The following MN1 variants were observed in gnomAD, a reference collection of about 807,000 sequenced individuals.
The protein encoded by MN1 is MN1 proto-oncogene, transcriptional regulator.
In MN1, 19 loss-of-function variants were observed where a neutral mutation model predicts 86.9. That is an observed-to-expected ratio of 0.22 (90% CI 0.15 to 0.32). The LOEUF (loss-of-function observed/expected upper bound fraction) is 0.32, where lower values mean the gene tolerates loss of function less well. Ranked by LOEUF, MN1 falls within the 10% of genes least tolerant of loss-of-function variation. MN1 has a pLI of 1.00. For synonymous variants in MN1, 928 were observed against 849.6 expected, an observed-to-expected ratio of 1.09 and a Z score of -1.60; for missense variants, 1,841 against 1,862.0, an observed-to-expected ratio of 0.99 and a Z score of 0.21.
rs1461001631 is a variant in MN1 at position 27,748,677 on chromosome 22, T to C, written c.*2238A>G. 4.7e-6 allele frequency: 1 copy of C among 214,260 alleles called. No homozygotes were observed. Among genetic ancestry groups the C allele is most frequent in the African/African-American group, 2.3e-5 (1 of 44,280 alleles). 13.3% of individuals were successfully genotyped at this position (214,260 alleles called of 1,614,324 possible). Reference sequence around the variant, plus strand: ...TTTAATGAAATAACATCCTTTTGCTTAAGGCTATTTTTAAAGCTGTTTCAT... The same window carrying C: ...TTTAATGAAATAACATCCTTTTGCTCAAGGCTATTTTTAAAGCTGTTTCAT... On this transcript the variant is annotated 3_prime_UTR_variant, in exon 2 of 2. Transcript: ENST00000302326.
intron 1 of MN1, among the ~76,000 whole-genome samples, chr22:27,763,863 T>C (rs2146297834): frequency 6.6e-6 from 1 of 152,348 alleles, no homozygotes; most frequent in African/African-American, 2.4e-5. Flanking sequence ...CAGGCCCATG[T>C]TGTGAGATCT....
At chr22:27,792,351 T>A (rs9637322) in intron 1 of MN1, among the ~76,000 whole-genome samples, 4,556 of 109,042 alleles carry the variant, frequency 0.042, 107 homozygotes, top group Middle Eastern at 0.069. Flanking sequence ...TATATATATA[T>A]GAATATATAA....
chr22:27,764,609 G>GTCA (rs1323637911), intron 1 of MN1, among the ~76,000 whole-genome samples: 1 of 152,188 alleles, frequency 6.6e-6, no homozygotes, highest in African/African-American at 2.4e-5. Context: ...CTCGTGCCAG[G>GTCA]TCATCCAACA....
chr22:27,760,044 A>T (rs1343043622), intron 1 of MN1, among the ~76,000 whole-genome samples: 3 of 152,070 alleles, frequency 2.0e-5, no homozygotes, highest in Non-Finnish European at 4.4e-5. Context: ...TCTCTATAAA[A>T]TTTTTTTAAA....
intron 1 of MN1, among the ~76,000 whole-genome samples, chr22:27,780,277 C>T (rs1006057195): frequency 6.6e-6 from 1 of 152,092 alleles, no homozygotes; most frequent in African/African-American, 2.4e-5. Context: ...CCCGAGCAGT[C>T]GGGCCCCTGC....
intron 1 of MN1, among the ~76,000 whole-genome samples, chr22:27,785,406 TCC>T (rs1468331941): frequency 6.6e-6 from 1 of 152,122 alleles, no homozygotes; most frequent in Non-Finnish European, 1.5e-5. Context: ...AAAGGAGTCC[TCC>T]CCCACATCTT....
chr22:27,771,554 AG>A (rs1262831972), intron 1 of MN1, among the ~76,000 whole-genome samples: 1 of 152,138 alleles, frequency 6.6e-6, no homozygotes, highest in Admixed American at 6.5e-5. Context: ...GTTGAAAAAA[AG>A]TCAAAAGAAG....
chr22:27,756,043 C>T (rs568470036), intron 1 of MN1, among the ~76,000 whole-genome samples: 86 of 152,312 alleles, frequency 5.6e-4, no homozygotes, highest in Non-Finnish European at 9.8e-4. Context: ...GCACGTGGGG[C>T]GCTCCTGCCA....
Position 27,797,240 on chromosome 22 carries a change from C to T in MN1, c.3304G>A (p.Ala1102Thr), listed in dbSNP as rs369164450. ...GEHGPKAPPP[A>T]LGLGIMSNST... ...TTAGACATGATGCCCAGGCCGAGGG[C>T]GGGCGGGGGCGCCTTCGGTCCGTGT... The change falls in exon 1 of 2, where the codon GCC (alanine) becomes ACC (threonine). Residue 1102 changes from alanine to threonine, a missense_variant. By Grantham distance (58) the Ala-to-Thr change is moderately conservative (BLOSUM62 0). Coordinates refer to ENST00000302326, the MANE Select transcript of MN1 (RefSeq NM_002430.3). The T allele has an allele frequency of 6.4e-6, 10 of 1,569,918 alleles. No individual in the cohort carries two copies. In the African/African-American group the frequency reaches 1.3e-4, roughly 21 times the overall value.
rs201186821 is a variant in MN1 at position 27,799,727 on chromosome 22, C to A, written c.817G>T (p.Ala273Ser). The A allele has an allele frequency of 2.4e-3, 3,778 of 1,575,798 alleles. 13 individuals carry two copies. Among genetic ancestry groups the A allele is most frequent in the Non-Finnish European group, 3.0e-3 (3,439 of 1,161,332 alleles). ...RQVPGGAFPG[A>S]SAMPRAAGMV... is the part of the protein sequence containing the mutation. ...CCCGCAGCTCTGGGCATGGCCGAGG[C>A]GCCCGGGAAAGCGCCCCCAGGAACC... Residue 273 changes from alanine (A) to serine (S), a missense_variant, in exon 1 of 2, where the codon GCC (alanine) becomes TCC (serine). Physicochemically the swap from Ala to Ser is moderately conservative, Grantham distance 99. Transcript: ENST00000302326.
chr22:27,782,461 T>C, intron 1 of MN1, among the ~76,000 whole-genome samples: 1 of 152,242 alleles, frequency 6.6e-6, no homozygotes, highest in East Asian at 1.9e-4. Flanking sequence ...CTTTCATTTC[T>C]TCATCCCTAA....
intron 1 of MN1, among the ~76,000 whole-genome samples, chr22:27,765,279 A>G (rs1932860693): frequency 6.6e-6 from 1 of 152,188 alleles, no homozygotes; most frequent in African/African-American, 2.4e-5. Flanking sequence ...TCGTGCTGTC[A>G]CTTTTAGGGA....
Position 27,798,117 on chromosome 22 carries a change from G to T in MN1, c.2427C>A (p.Ser809=), listed in dbSNP as rs373149369. 1.2e-6 allele frequency: 2 copies of T among 1,609,216 alleles called. No homozygotes were observed. The highest frequency in any genetic ancestry group is 1.7e-6 in the Non-Finnish European group (2 of 1,179,266). ...ASKLGALSLG[S]FNKPSSKDNL... ...TGTCCTTGGAGCTGGGCTTGTTGAAGGAGCCCAGCGAGAGCGCGCCCAATT... is the reference window on the plus strand; with the variant it reads ...TGTCCTTGGAGCTGGGCTTGTTGAATGAGCCCAGCGAGAGCGCGCCCAATT... The change falls in exon 1 of 2, where the codon TCC becomes TCA. Residue 809 remains serine (S), a synonymous_variant. Transcript: ENST00000302326.
intron 1 of MN1, among the ~76,000 whole-genome samples, chr22:27,791,142 C>A (rs1179131866): frequency 6.6e-6 from 1 of 152,078 alleles, no homozygotes; most frequent in Non-Finnish European, 1.5e-5. Context: ...GGCTTCTTCA[C>A]ACACTGAACT....
At chr22:27,777,073 C>T (rs1348038678) in intron 1 of MN1, among the ~76,000 whole-genome samples, 1 of 152,280 alleles carries the variant, frequency 6.6e-6, no homozygotes, top group Non-Finnish European at 1.5e-5. Flanking sequence ...TAGGATTTTG[C>T]TCCCTACAAT....
rs1355554568 is a variant in MN1 at position 27,796,978 on chromosome 22, G to A, written c.3566C>T (p.Ala1189Val). 3 of 1,612,318 alleles carry A rather than the reference G, an allele frequency of 1.9e-6. No individual in the cohort carries two copies. Among genetic ancestry groups the A allele is most frequent in the African/African-American group, 2.7e-5 (2 of 75,046 alleles). The change falls in exon 1 of 2, where the codon GCC becomes GTC. Residue 1189 changes from alanine (A) to valine (V), a missense_variant. Coordinates refer to ENST00000302326, the MANE Select transcript of MN1 (RefSeq NM_002430.3). ...GCTGTCGCCATTCTGCGCCCCTGAG[G>A]CCCCGACGGCGCACTCACCCTTCTT... ...GGKKGECAVGASGAQNGDSEL... is the reference protein window; with the variant it reads ...GGKKGECAVGVSGAQNGDSEL...
chr22:27,751,944 G>T (rs1239456637), intron 1 of MN1, among the ~76,000 whole-genome samples: 1 of 152,136 alleles, frequency 6.6e-6, no homozygotes, highest in African/African-American at 2.4e-5. Flanking sequence ...GTGTGCAGGG[G>T]CTGAGGCTCC....
At chr22:27,788,677 ATG>A (rs756636474) in intron 1 of MN1, among the ~76,000 whole-genome samples, 61 of 148,686 alleles carry the variant, frequency 4.1e-4, no homozygotes, top group East Asian at 1.0e-3. Flanking sequence ...GCAAGAAGTT[ATG>A]TGTGTGTGTG....
In MN1 at chr22:27,773,089, C is replaced by T. The variant is rs45516794; in HGVS notation, c.3782-21993G>A. ...GAACAGGCCGGGAAGCCCAGGCCGCCCCTCCCCAGACTCCCATCCCCTACC... is the reference window on the plus strand; with the variant it reads ...GAACAGGCCGGGAAGCCCAGGCCGCTCCTCCCCAGACTCCCATCCCCTACC... On this transcript the variant is annotated intron_variant, in intron 1 of 1. Transcript: ENST00000302326. Among the ~76,000 whole-genome samples the T allele has an allele frequency of 2.5e-3, 387 of 151,900 alleles. 1 individual carries two copies. The highest frequency in any genetic ancestry group is 8.8e-3 in the African/African-American group (364 of 41,438).
Sources: allele counts gnomAD v4.1 joint callset (sites outside exome capture counted in the v4.1 genomes callset), GRCh38; gene constraint gnomAD v4.1.1; transcripts MANE v1.5; gene names NCBI Gene and HGNC (gene_info 2026-07-23, HGNC 2026-07-21).